Variants in ANKRD45 observed in about 807,000 individuals in gnomAD.
ANKRD45 encodes the protein ankyrin repeat domain 45.
ANKRD45 carries 21 observed loss-of-function variants against 28.1 expected under a neutral mutation model. The ratio of observed to expected loss-of-function variants is 0.75; its 90% CI spans 0.53 to 1.08. ANKRD45 has a LOEUF of 1.08. Among genes scored for constraint, ANKRD45 ranks in the 50% least tolerant of loss-of-function variants. The pLI, the probability that ANKRD45 is intolerant of heterozygous loss-of-function variation, is 0.00. For missense variants in ANKRD45, 261 were observed against 308.7 expected (o/e 0.85, Z 1.16); for synonymous variants, 86 against 103.9 (o/e 0.83, Z 1.05).
At chr1:173,703,428 A>T in the ANKRD45 span, among the ~76,000 whole-genome samples, 1 of 150,832 alleles carries the variant, frequency 6.6e-6, no homozygotes, top group Non-Finnish European at 1.5e-5. Flanking sequence ...CTGGTCTCGA[A>T]CTCCTGACCT....
chr1:173,651,756 C>T (rs1669235260), intron 2 of ANKRD45, among the ~76,000 whole-genome samples: 1 of 152,124 alleles, frequency 6.6e-6, no homozygotes, highest in Non-Finnish European at 1.5e-5. Context: ...TTCTTTGTGT[C>T]CTCCTTTATT....
intron 3 of ANKRD45, among the ~76,000 whole-genome samples, chr1:173,639,093 A>C: frequency 6.6e-6 from 1 of 152,244 alleles, no homozygotes; most frequent in Non-Finnish European, 1.5e-5. Flanking sequence ...CAAGCTTTGA[A>C]ACATTTGCAG....
chr1:173,652,489 T>G (rs866045684), intron 2 of ANKRD45, among the ~76,000 whole-genome samples: 22 of 152,336 alleles, frequency 1.4e-4, no homozygotes, highest in South Asian at 2.1e-4. Context: ...GCTGCTGGAT[T>G]CTATTTGCCA....
At chr1:173,675,311 C>A in the ANKRD45 span, 6 of 340,562 alleles carry the variant, frequency 1.8e-5, no homozygotes, top group Non-Finnish European at 2.9e-5. Flanking sequence ...AGGCATGTAG[C>A]CAAGAAAAAT....
chr1:173,625,006 C>T, intron 4 of ANKRD45, 81 bp from the exon 5 acceptor site: 1 of 1,407,748 alleles, frequency 7.1e-7, no homozygotes, highest in Non-Finnish European at 9.7e-7. Flanking sequence ...CCAGCACGTC[C>T]AACTGAACTT....
At position 173,609,417 on chromosome 1, in the gene ANKRD45, G is replaced by T. The variant is rs1212046296; in HGVS notation, c.*728C>A. ...TTGAGGCGCCTGATTAAATAAATTA[G>T]AAAAAAGGCTTTCCAAACCACCAAT... On this transcript the variant is annotated 3_prime_UTR_variant, in exon 6 of 6. Coordinates refer to ENST00000333279, the MANE Select transcript of ANKRD45 (RefSeq NM_198493.3). 6.6e-6 allele frequency: 1 copy of T among 152,022 alleles called. No homozygotes were observed. The highest frequency in any genetic ancestry group is 6.5e-5 in the Admixed American group (1 of 15,268). 9.4% of individuals were successfully genotyped at this position (152,022 alleles called of 1,614,324 possible). A position where few individuals can be genotyped will look rare whatever the true frequency, so the allele number is the denominator to read the frequency against.
intron 3 of ANKRD45, among the ~76,000 whole-genome samples, chr1:173,638,338 G>C (rs2102344563): frequency 6.6e-6 from 1 of 152,244 alleles, no homozygotes; most frequent in South Asian, 2.1e-4. Context: ...GCCGGGAAAA[G>C]AATAGGCGAG....
the ANKRD45 span, among the ~76,000 whole-genome samples, chr1:173,698,583 G>A: frequency 2.5e-4 from 38 of 151,884 alleles, no homozygotes; most frequent in African/African-American, 8.9e-4. Context: ...GGTAAATAAC[G>A]AAATGAAGGC....
chr1:173,646,623 G>A (rs1668941770), intron 3 of ANKRD45, among the ~76,000 whole-genome samples: 1 of 152,140 alleles, frequency 6.6e-6, no homozygotes, highest in South Asian at 2.1e-4. Flanking sequence ...ACAGAAGTTG[G>A]TAAATCAACT....
In ANKRD45 at chr1:173,652,516, T is replaced by C. The variant is rs1669280524; in HGVS notation, c.329-5503A>G. Among the ~76,000 whole-genome samples, 3 of 152,324 alleles carry C rather than the reference T, an allele frequency of 2.0e-5. No homozygotes were observed. The South Asian group carries it at 6.2e-4, about 32-fold the overall frequency. ...TATTTGCCAGTATTATATTGAGGAT[T>C]TTCACATCGATGTTCATCAGGGATA... On this transcript the variant is annotated intron_variant, in intron 2 of 5. Coordinates refer to ENST00000333279, the MANE Select transcript of ANKRD45 (RefSeq NM_198493.3).
rs1264935024 is a variant in ANKRD45, at chr1:173,608,459, A to G, written c.*1686T>C. On this transcript the variant is annotated 3_prime_UTR_variant, in exon 6 of 6. Coordinates refer to ENST00000333279, the MANE Select transcript of ANKRD45 (RefSeq NM_198493.3). ...CAGCCTCCCAAGTCACTGGGATTAC[A>G]GGCACGTGCCACCACATACAGCTAA... 6.6e-6 allele frequency among the ~76,000 whole-genome samples: 1 copy of G among 152,060 alleles called. No homozygotes were observed. The highest frequency in any genetic ancestry group is 1.5e-5 in the Non-Finnish European group (1 of 68,026).
rs192068884 is a variant in ANKRD45, at chr1:173,650,132, T to C, written c.329-3119A>G. Among the ~76,000 whole-genome samples the C allele has an allele frequency of 3.9e-5, 6 of 152,348 alleles. No individual in the cohort carries two copies. In the East Asian group the frequency reaches 1.2e-3, roughly 29 times the overall value. ...TATTTTATTATTATTACACTTTAAG[T>C]TCTAGGGTACATATGCACAACATGC... On this transcript the variant is annotated intron_variant, in intron 2 of 5. Coordinates refer to ENST00000333279, the MANE Select transcript of ANKRD45 (RefSeq NM_198493.3).
intron 2 of ANKRD45, among the ~76,000 whole-genome samples, chr1:173,654,327 A>G (rs1296732866): frequency 6.6e-6 from 1 of 152,088 alleles, no homozygotes; most frequent in African/African-American, 2.4e-5. Context: ...GCTTGTCTGT[A>G]AAGGATTTTA....
the ANKRD45 span, among the ~76,000 whole-genome samples, chr1:173,706,023 G>A: frequency 1.3e-5 from 2 of 151,968 alleles, no homozygotes; most frequent in Admixed American, 6.6e-5. Flanking sequence ...GAGATCTTCC[G>A]GCTGGGCGCA....
intron 3 of ANKRD45, among the ~76,000 whole-genome samples, chr1:173,641,366 G>C (rs912838868): frequency 2.0e-5 from 3 of 152,174 alleles, no homozygotes; most frequent in Non-Finnish European, 4.4e-5. Flanking sequence ...CACTGCTTGG[G>C]ATAATCCATC....
intron 1 of ANKRD45, among the ~76,000 whole-genome samples, chr1:173,664,588 A>G (rs974526105): frequency 7.2e-5 from 11 of 152,248 alleles, no homozygotes; most frequent in African/African-American, 2.6e-4. Flanking sequence ...GCCTTTCCCT[A>G]ATTCCTCTCT....
intron 5 of ANKRD45, among the ~76,000 whole-genome samples, chr1:173,613,568 C>CCCCCA (rs1667310790): frequency 7.0e-6 from 1 of 141,862 alleles, no homozygotes; most frequent in African/African-American, 3.0e-5. Flanking sequence ...GTCAGCCCCC[C>CCCCCA]CCCCGGCCAG....
chr1:173,688,579 G>T, the ANKRD45 span, among the ~76,000 whole-genome samples: 36,659 of 85,146 alleles, frequency 0.43, 9,168 homozygotes, highest in African/African-American at 0.74. Context: ...TCTCTCTGCC[G>T]CTTCCTCTCT....
chr1:173,656,187 G>A (rs998425713), intron 2 of ANKRD45, among the ~76,000 whole-genome samples: 13 of 152,162 alleles, frequency 8.5e-5, no homozygotes, highest in African/African-American at 2.2e-4. Flanking sequence ...CTTCTGCGTC[G>A]ATCATGCTGG....
Sources: gnomAD v4.1 joint callset for allele counts (sites outside exome capture counted in the v4.1 genomes callset) on GRCh38, gnomAD v4.1.1 for gene constraint, MANE v1.5 for transcripts, NCBI Gene and HGNC (gene_info 2026-07-23, HGNC 2026-07-21) for gene names.